Variants in KCNQ4 observed in about 807,000 individuals in gnomAD.
The protein encoded by KCNQ4 is potassium voltage-gated channel subfamily KQT member 4.
KCNQ4 carries 31 observed loss-of-function variants against 72.6 expected under a neutral mutation model. The ratio of observed to expected loss-of-function variants is 0.43; its 90% CI spans 0.32 to 0.58. KCNQ4 has a LOEUF of 0.58. KCNQ4 is among the 20% of genes least tolerant of loss of function. The pLI is 0.08. For synonymous variants in KCNQ4, 405 were observed against 403.7 expected, an observed-to-expected ratio of 1.00 and a Z score of -0.04; for missense variants, 869 against 962.6, an observed-to-expected ratio of 0.90 and a Z score of 1.29.
At chr1:40,816,017 T>C (rs1001260891) in intron 1 of KCNQ4, among the ~76,000 whole-genome samples, 6 of 149,980 alleles carry the variant, frequency 4.0e-5, no homozygotes, top group African/African-American at 1.2e-4. Context: ...GGGGGGATAG[T>C]GGGGTGCGGG....
intron 6 of KCNQ4, 25 bp from the exon 7 acceptor site, chr1:40,820,140 C>T (rs1475669459): frequency 6.3e-7 from 1 of 1,591,770 alleles, no homozygotes; most frequent in Non-Finnish European, 8.6e-7. Context: ...CAGCACATTC[C>T]CCCAACCATG....
At chr1:40,792,987 T>C (rs1647314279) in intron 1 of KCNQ4, among the ~76,000 whole-genome samples, 1 of 147,948 alleles carries the variant, frequency 6.8e-6, no homozygotes, top group Non-Finnish European at 1.5e-5. Flanking sequence ...CCCTTCTTTC[T>C]TTTCTTTTCT....
intron 8 of KCNQ4, among the ~76,000 whole-genome samples, 198 bp downstream of exon 8, chr1:40,822,600 T>C (rs1046775839): frequency 2.6e-5 from 4 of 152,024 alleles, no homozygotes; most frequent in African/African-American, 9.7e-5. Flanking sequence ...AGGGAAGAGG[T>C]GGATACTGGA....
intron 9 of KCNQ4, chr1:40,826,723 C>T (rs1356987768): frequency 2.2e-6 from 1 of 451,482 alleles, no homozygotes; most frequent in South Asian, 1.6e-5. Context: ...CTCCTGTCCC[C>T]ACTCCTCCTT....
At chr1:40,818,008 C>T (rs1442149274) in intron 2 of KCNQ4, among the ~76,000 whole-genome samples, 156 bp from the exon 3 acceptor site, 1 of 152,070 alleles carries the variant, frequency 6.6e-6, no homozygotes, top group Non-Finnish European at 1.5e-5. Context: ...AGGGGGCCAC[C>T]TGCCCTCCGG....
At chr1:40,818,399 C>A in intron 3 of KCNQ4, 106 bp from the exon 4 acceptor site, 1 of 1,530,956 alleles carries the variant, frequency 6.5e-7, no homozygotes. Context: ...ATTCAGCGGA[C>A]CCTCCCCCTC....
Position 40,835,103 on chromosome 1 carries a change from G to A in KCNQ4, c.1745+5G>A, listed in dbSNP as rs1398772581. 1 of 1,612,866 alleles carries A rather than the reference G, an allele frequency of 6.2e-7. No individual in the cohort carries two copies. The highest frequency in any genetic ancestry group is 8.5e-7 in the Non-Finnish European group (1 of 1,179,154). On this transcript the variant is annotated splice_donor_5th_base_variant and intron_variant, in intron 12 of 13. Coordinates refer to ENST00000347132, the MANE Select transcript of KCNQ4 (RefSeq NM_004700.4). ...GATCAAGAGCCTGCAAACTCGGTGG[G>A]TGCACCGGGCCTGTTGGGAGGCAGG... is the stretch of plus-strand genomic sequence containing the variant.
chr1:40,835,158 T>A (rs1234546733), intron 12 of KCNQ4, 60 bp downstream of exon 12: 2 of 1,588,636 alleles, frequency 1.3e-6, no homozygotes, highest in African/African-American at 2.7e-5. Flanking sequence ...CAGCCCTGAA[T>A]GAAGTCTGAG....
chr1:40,804,817 CAAA>C (rs34127672), intron 1 of KCNQ4: 29 of 88,984 alleles, frequency 3.3e-4, no homozygotes, highest in East Asian at 1.1e-3. Context: ...GACCCTGTCT[CAAA>C]AAAAAAAAAA....
Position 40,788,172 on chromosome 1 carries a change from G to A in KCNQ4, c.314+3765G>A, listed in dbSNP as rs957515943. On this transcript the variant is annotated intron_variant, in intron 1 of 13. Transcript: ENST00000347132. This position sits in a 1 kb window ranked among gnomAD's most constrained non-coding sequence, Gnocchi z 4.5. The stretch of plus-strand genomic sequence containing the variant: ...GGGTTGGAAATCATCCCAGCAAAGT[G>A]TCCTCAGAACCCTCAGGCATCCCCG... 2.0e-5 allele frequency among the ~76,000 whole-genome samples: 3 copies of A among 152,206 alleles called. No individual in the cohort carries two copies. The South Asian group carries it at 6.2e-4, about 32-fold the overall frequency.
intron 1 of KCNQ4, among the ~76,000 whole-genome samples, chr1:40,790,182 GC>G (rs1647250991): frequency 6.6e-6 from 1 of 152,182 alleles, no homozygotes; most frequent in African/African-American, 2.4e-5. Context: ...GTGTCCTTGG[GC>G]AAGTTACTTA....
At chr1:40,818,466 G>A (rs764011180) in intron 3 of KCNQ4, 39 bp from the exon 4 acceptor site, 6 of 1,598,296 alleles carry the variant, frequency 3.8e-6, no homozygotes, top group Non-Finnish European at 5.1e-6. Context: ...CCGTGCGCGG[G>A]GTAGGCTGGC....
chr1:40,819,328 C>T lies in KCNQ4; in HGVS notation c.709-19C>T. 1 of 1,613,540 alleles carries T rather than the reference C, an allele frequency of 6.2e-7. No individual in the cohort carries two copies. The highest frequency in any genetic ancestry group is 2.2e-5 in the East Asian group (1 of 44,880). ...GCAGGCACAGCGCTCCTCACCGCGC[C>T]CCTCCGCCTGCCCCGCAGGAGCTGA... On this transcript the variant is annotated intron_variant, in intron 4 of 13. Transcript: ENST00000347132.
Position 40,797,954 on chromosome 1 carries a change from G to T in KCNQ4, c.314+13547G>T, listed in dbSNP as rs115285031. 4.7e-3 allele frequency among the ~76,000 whole-genome samples: 718 copies of T among 152,202 alleles called. 6 individuals carry two copies. The highest frequency in any genetic ancestry group is 0.016 in the African/African-American group (673 of 41,506). On this transcript the variant is annotated intron_variant, in intron 1 of 13. Transcript: ENST00000347132. Reference sequence around the variant, plus strand: ...AAAGGGAGTCTGGGGATATAAGCTTGGGGTCCATGGGGGTCCCTAGAATAG... The same window carrying T: ...AAAGGGAGTCTGGGGATATAAGCTTTGGGTCCATGGGGGTCCCTAGAATAG...
chr1:40,806,159 C>T (rs1369286994), intron 1 of KCNQ4, among the ~76,000 whole-genome samples: 1 of 152,188 alleles, frequency 6.6e-6, no homozygotes, highest in Non-Finnish European at 1.5e-5. Context: ...AATTTTTACG[C>T]CAAAGCCAGC....
chr1:40,822,548 A>G, intron 8 of KCNQ4, 146 bp downstream of exon 8: 4 of 666,284 alleles, frequency 6.0e-6, no homozygotes, highest in Non-Finnish European at 1.1e-5. Context: ...ATCCTATGTA[A>G]TTCAGAGCCT....
Position 40,817,208 on chromosome 1 carries a change from C to T in KCNQ4, c.315-57C>T. 1.4e-6 allele frequency: 2 copies of T among 1,437,954 alleles called. No homozygotes were observed. 89.1% of individuals were successfully genotyped at this position (1,437,954 alleles called of 1,614,324 possible). A position where few individuals can be genotyped will look rare whatever the true frequency, so the allele number is the denominator to read the frequency against. Reference sequence around the variant, plus strand: ...GCTCTGTAACCCCCTGCCAGGGGCACCTTGGCTGTCCTGTCCCTCCAACAA... The same window carrying T: ...GCTCTGTAACCCCCTGCCAGGGGCATCTTGGCTGTCCTGTCCCTCCAACAA... On this transcript the variant is annotated intron_variant, in intron 1 of 13. Coordinates refer to ENST00000347132, the MANE Select transcript of KCNQ4 (RefSeq NM_004700.4). This position sits in a 1 kb window ranked among gnomAD's most constrained non-coding sequence, Gnocchi z 5.5.
chr1:40,812,337 G>A (rs1647954023), intron 1 of KCNQ4, among the ~76,000 whole-genome samples: 1 of 152,150 alleles, frequency 6.6e-6, no homozygotes, highest in African/African-American at 2.4e-5. Context: ...GCTCACTGTA[G>A]CCTCAACCTC....
chr1:40,800,117 C>G (rs1647532330), intron 1 of KCNQ4, among the ~76,000 whole-genome samples: 1 of 152,120 alleles, frequency 6.6e-6, no homozygotes. Context: ...TGCACAGGCC[C>G]TTCTCCCAGG....
Sources: allele counts gnomAD v4.1 joint callset (sites outside exome capture counted in the v4.1 genomes callset), GRCh38; gene constraint gnomAD v4.1.1; non-coding constraint Gnocchi (gnomAD v3.1); transcripts MANE v1.5; gene names NCBI Gene and HGNC (gene_info 2026-07-23, HGNC 2026-07-21).